Variants in DMXL2 observed in about 807,000 individuals in gnomAD.
The protein encoded by DMXL2 is Dmx like 2.
In DMXL2, 103 loss-of-function variants were observed where a neutral mutation model predicts 331.1. The ratio of observed to expected loss-of-function variants is 0.31; its 90% confidence interval spans 0.27 to 0.37. The LOEUF (loss-of-function observed/expected upper bound fraction) is 0.37, where lower values mean the gene tolerates loss of function less well. DMXL2 is among the 10% of genes least tolerant of loss of function. The probability of loss-of-function intolerance (pLI) is 1.00; values close to 1 mark genes in which losing one functional copy is unlikely to be tolerated. For synonymous variants in DMXL2, 1,281 were observed against 1,252.1 expected, an observed-to-expected ratio of 1.02 and a Z score of -0.49; for missense variants, 3,171 against 3,642.9, an observed-to-expected ratio of 0.87 and a Z score of 3.33.
intron 13 of DMXL2, among the ~76,000 whole-genome samples, chr15:51,525,467 A>C (rs1354143636): frequency 6.6e-6 from 1 of 152,076 alleles, no homozygotes; most frequent in African/African-American, 2.4e-5. Context: ...CTTGGCCACA[A>C]GGGAGTAGAG....
intron 13 of DMXL2, among the ~76,000 whole-genome samples, chr15:51,532,898 C>A (rs1424779967): frequency 2.0e-5 from 3 of 152,100 alleles, no homozygotes; most frequent in Non-Finnish European, 4.4e-5. Flanking sequence ...AGATGATTAT[C>A]TACATGGAAA....
At chr15:51,570,403 GA>G (rs964894606) in intron 2 of DMXL2, among the ~76,000 whole-genome samples, 1 of 152,108 alleles carries the variant, frequency 6.6e-6, no homozygotes, top group African/African-American at 2.4e-5. Flanking sequence ...CCCCAACCTA[GA>G]AAGACAGGCC....
chr15:51,579,690 C>G (rs544505455), intron 1 of DMXL2, among the ~76,000 whole-genome samples: 1 of 152,104 alleles, frequency 6.6e-6, no homozygotes, highest in Non-Finnish European at 1.5e-5. Context: ...ACTGACACTG[C>G]CTTGTTGCTA....
intron 32 of DMXL2, among the ~76,000 whole-genome samples, 194 bp from the exon 33 acceptor site, chr15:51,463,690 C>G (rs1420775512): frequency 6.6e-6 from 1 of 152,072 alleles, no homozygotes; most frequent in East Asian, 1.9e-4. Context: ...TTTTAGTTCT[C>G]CTAAAAATCA....
rs532182361 is a variant in DMXL2 at position 51,488,812 on chromosome 15, C to G, written c.4954-167G>C. The stretch of plus-strand genomic sequence containing the variant: ...GTAGGTTATAATATTAATACATGCT[C>G]CTAGAGATAACCATTCGCAAGCCAG... On this transcript the variant is annotated intron_variant, in intron 20 of 43. Transcript: ENST00000560891. Among the ~76,000 whole-genome samples the G allele has an allele frequency of 3.3e-4, 51 of 152,280 alleles. 1 individual carries two copies. Among genetic ancestry groups the G allele is most frequent in the African/African-American group, 1.2e-3 (48 of 41,560 alleles).
At chr15:51,457,140 C>G (rs1296862555) in intron 37 of DMXL2, 188 bp downstream of exon 37, 13 of 620,574 alleles carry the variant, frequency 2.1e-5, no homozygotes, top group Non-Finnish European at 3.4e-5. Flanking sequence ...CCACTGCACT[C>G]CAGCCTGCGC....
chr15:51,538,441 C>T lies in DMXL2; in HGVS notation c.1117G>A (p.Val373Ile). Reference sequence around the variant, plus strand: ...ACATTAAATGCAGTGCCAACCAAGACATTTGGAATATCTGTGGAAATAAAA... The same window carrying T: ...ACATTAAATGCAGTGCCAACCAAGATATTTGGAATATCTGTGGAAATAAAA... ...SINPATDIPN[V>I]LVGTAFNVDD... The change falls in exon 10 of 44, where the codon GTC (valine) becomes ATC (isoleucine). Residue 373 changes from valine to isoleucine, a missense_variant. Physicochemically the swap from Val to Ile is conservative, Grantham distance 29 (BLOSUM62 3). Around this residue, in one of 7 missense-constraint regions of DMXL2, gnomAD observed 1,674 missense variants for 1,780.2 expected, o/e 0.94. Coordinates refer to ENST00000560891, the MANE Select transcript of DMXL2 (RefSeq NM_001378457.1). 1 of 1,596,920 alleles carries T rather than the reference C, an allele frequency of 6.3e-7. No homozygotes were observed. Among genetic ancestry groups the T allele is most frequent in the Non-Finnish European group, 8.5e-7 (1 of 1,171,424 alleles).
At chr15:51,559,212 A>T (rs1257813069) in intron 6 of DMXL2, among the ~76,000 whole-genome samples, 1 of 152,224 alleles carries the variant, frequency 6.6e-6, no homozygotes, top group African/African-American at 2.4e-5. Context: ...CAACTAATGG[A>T]GTGGGAGAAG....
At position 51,604,633 on chromosome 15, in the gene DMXL2, T is replaced by C. The variant is rs374690025; in HGVS notation, c.87+17826A>G. 2.4e-4 allele frequency among the ~76,000 whole-genome samples: 37 copies of C among 152,348 alleles called. 2 individuals carry two copies. The East Asian group carries it at 2.9e-3, about 12-fold the overall frequency. On this transcript the variant is annotated intron_variant, in intron 1 of 43. Coordinates refer to ENST00000560891, the MANE Select transcript of DMXL2 (RefSeq NM_001378457.1). ...AATAAATATAGACATATGTTCATAATTGGAAGACTCAAAGATGTCACTTCT... is the reference window on the plus strand; with the variant it reads ...AATAAATATAGACATATGTTCATAACTGGAAGACTCAAAGATGTCACTTCT...
At chr15:51,591,320 G>A (rs4436729) in intron 1 of DMXL2, among the ~76,000 whole-genome samples, 36,019 of 152,122 alleles carry the variant, frequency 0.24, 4,851 homozygotes, top group East Asian at 0.47. Context: ...TACGCCCACA[G>A]AGCCTCGCTC....
At chr15:51,574,711 A>T (rs2050901727) in intron 2 of DMXL2, among the ~76,000 whole-genome samples, 1 of 152,246 alleles carries the variant, frequency 6.6e-6, no homozygotes, top group Non-Finnish European at 1.5e-5. Context: ...AATAAAGACA[A>T]TAAAGATATT....
At chr15:51,587,394 C>T (rs904638729) in intron 1 of DMXL2, among the ~76,000 whole-genome samples, 2 of 152,076 alleles carry the variant, frequency 1.3e-5, no homozygotes, top group African/African-American at 4.8e-5. Context: ...GTTCAATTCC[C>T]ACCTACGAGT....
intron 1 of DMXL2, among the ~76,000 whole-genome samples, chr15:51,594,075 C>G (rs1008327292): frequency 2.6e-5 from 4 of 152,096 alleles, no homozygotes; most frequent in Non-Finnish European, 5.9e-5. Context: ...CAGAGCAGAA[C>G]TGAAGGAAAT....
intron 36 of DMXL2, 118 bp from the exon 37 acceptor site, chr15:51,457,584 T>C (rs2039744048): frequency 8.1e-7 from 1 of 1,232,238 alleles, no homozygotes; most frequent in African/African-American, 1.5e-5. Flanking sequence ...TAAGTAGCCA[T>C]GAGAAAAACT....
At position 51,503,015 on chromosome 15, in the gene DMXL2, G is replaced by A. The variant is rs2043790166; in HGVS notation, c.2783C>T (p.Ala928Val). 6.2e-7 allele frequency: 1 copy of A among 1,612,196 alleles called. No homozygotes were observed. The highest frequency in any genetic ancestry group is 1.3e-5 in the African/African-American group (1 of 74,996). ...GACTGAAAGTAGACTCTCAGAGGAA[G>A]CCCCTTCTGAAGCTTTAGCTTTAAA... Reference protein sequence around the residue: ...QACLAKASEGASSESLLSVPG... With the variant: ...QACLAKASEGVSSESLLSVPG... Residue 928 changes from alanine to valine, a missense_variant, in exon 17 of 44, where the codon GCT becomes GTT. Physicochemically the swap from Ala to Val is moderately conservative, Grantham distance 64. Transcript: ENST00000560891.
chr15:51,480,205 A>T lies in DMXL2; in HGVS notation c.6565-66T>A. The stretch of plus-strand genomic sequence containing the variant: ...AAAATTTTATCAGTTCTCTGACAGA[A>T]ATACTGGTGATAAACATTGTGTAAA... On this transcript the variant is annotated intron_variant, in intron 24 of 43. Coordinates refer to ENST00000560891, the MANE Select transcript of DMXL2 (RefSeq NM_001378457.1). 2.2e-6 allele frequency: 3 copies of T among 1,374,648 alleles called. No homozygotes were observed. In the South Asian group the frequency reaches 4.7e-5, roughly 22 times the overall value. 85.2% of individuals were successfully genotyped at this position (1,374,648 alleles called of 1,614,324 possible). A position where few individuals can be genotyped will look rare whatever the true frequency, so the allele number is the denominator to read the frequency against.
At chr15:51,459,543 C>T (rs1044809478) in intron 34 of DMXL2, 55 bp downstream of exon 34, 22 of 1,267,232 alleles carry the variant, frequency 1.7e-5, no homozygotes, top group East Asian at 5.6e-5. Context: ...AGAGATGAGG[C>T]GTTAGCTCCT....
At chr15:51,590,391 T>C (rs1368542041) in intron 1 of DMXL2, among the ~76,000 whole-genome samples, 1 of 152,182 alleles carries the variant, frequency 6.6e-6, no homozygotes, top group African/African-American at 2.4e-5. Context: ...AGAGACCACA[T>C]AGCCCACTAG....
intron 42 of DMXL2, among the ~76,000 whole-genome samples, chr15:51,451,239 G>A (rs2039108231): frequency 1.3e-5 from 2 of 151,948 alleles, no homozygotes; most frequent in African/African-American, 4.8e-5. Context: ...ACCTGCCTGA[G>A]CAATACAGCA....
Sources: gnomAD v4.1 joint callset for allele counts (sites outside exome capture counted in the v4.1 genomes callset) on GRCh38, gnomAD v4.1.1 for gene constraint, gnomAD v4.1.1 regional missense constraint, MANE v1.5 for transcripts, NCBI Gene and HGNC (gene_info 2026-07-23, HGNC 2026-07-21) for gene names.